Variants in WWOX observed in about 807,000 individuals in gnomAD.
The protein encoded by WWOX is WW domain-containing oxidoreductase.
WWOX carries 69 observed loss-of-function variants against 46.2 expected under a neutral mutation model. The ratio of observed to expected loss-of-function variants is 1.49; its 90% CI spans 1.23 to 1.82. The LOEUF (loss-of-function observed/expected upper bound fraction) is 1.82, where lower values mean the gene tolerates loss of function less well. Among genes scored for constraint, WWOX ranks in the 40% most tolerant of loss-of-function variants. WWOX has a pLI of 0.00. For synonymous variants in WWOX, 359 were observed against 202.6 expected (o/e 1.77, Z -6.56); for missense variants, 919 against 542.6 (o/e 1.69, Z -6.89).
At chr16:78,326,646 A>AT in intron 5 of WWOX, among the ~76,000 whole-genome samples, 1 of 142,552 alleles carries the variant, frequency 7.0e-6, no homozygotes, top group Non-Finnish European at 1.5e-5. Context: ...CATAAAGCAT[A>AT]TTTTCTGGCA....
chr16:78,553,965 T>C (rs559543649), intron 8 of WWOX, among the ~76,000 whole-genome samples: 1 of 152,142 alleles, frequency 6.6e-6, no homozygotes, highest in South Asian at 2.1e-4. Flanking sequence ...AGCAGAGGGC[T>C]GTGATGCTCT....
intron 8 of WWOX, among the ~76,000 whole-genome samples, chr16:78,923,894 G>C (rs563911630): frequency 1.3e-5 from 2 of 150,196 alleles, no homozygotes; most frequent in South Asian, 2.1e-4. Context: ...CCGCCTCCTG[G>C]GTTCATGCCA....
At chr16:79,162,625 G>A (rs189974377) in intron 8 of WWOX, among the ~76,000 whole-genome samples, 1 of 152,308 alleles carries the variant, frequency 6.6e-6, no homozygotes, top group African/African-American at 2.4e-5. Context: ...GATGCAAACA[G>A]TTTGCCCTTG....
At chr16:78,430,562 A>T (rs2083192624) in intron 7 of WWOX, among the ~76,000 whole-genome samples, 3 of 152,004 alleles carry the variant, frequency 2.0e-5, no homozygotes, top group Admixed American at 6.6e-5. Context: ...TGCTACCATC[A>T]CCAGCAGTCA....
chr16:78,419,244 CTA>C (rs1312779831), intron 6 of WWOX, among the ~76,000 whole-genome samples: 1 of 152,110 alleles, frequency 6.6e-6, no homozygotes, highest in Admixed American at 6.5e-5. Context: ...AGTGCAATCT[CTA>C]TTAAAATTTC....
intron 8 of WWOX, among the ~76,000 whole-genome samples, chr16:78,583,111 C>T (rs942346361): frequency 1.3e-5 from 2 of 152,184 alleles, no homozygotes; most frequent in African/African-American, 4.8e-5. Flanking sequence ...AGAAGTGAAT[C>T]TTTTGTTTTC....
intron 8 of WWOX, among the ~76,000 whole-genome samples, chr16:78,537,983 C>T (rs995545804): frequency 2.6e-5 from 4 of 152,170 alleles, no homozygotes; most frequent in African/African-American, 9.6e-5. Flanking sequence ...TGAAATTCAC[C>T]TTTCCCCGAT....
chr16:78,501,181 C>T (rs907543388), intron 8 of WWOX, among the ~76,000 whole-genome samples: 4 of 109,374 alleles, frequency 3.7e-5, no homozygotes, highest in African/African-American at 9.3e-5. Flanking sequence ...TTCTTTCTCT[C>T]TCTTTCTTTC....
chr16:78,652,168 T>G (rs1446147682), intron 8 of WWOX, among the ~76,000 whole-genome samples: 1 of 151,726 alleles, frequency 6.6e-6, no homozygotes, highest in Non-Finnish European at 1.5e-5. Flanking sequence ...TCCCAGCACT[T>G]TGGGAGGCTG....
chr16:78,743,463 A>C (rs1352697299), intron 8 of WWOX, among the ~76,000 whole-genome samples: 1 of 142,830 alleles, frequency 7.0e-6, no homozygotes, highest in Non-Finnish European at 1.6e-5. Context: ...CATTTAGAGA[A>C]GAAATTAGAA....
intron 8 of WWOX, among the ~76,000 whole-genome samples, chr16:78,718,050 A>G (rs1184083251): frequency 2.7e-5 from 3 of 109,288 alleles, no homozygotes; most frequent in Middle Eastern, 4.3e-3. Context: ...TGCAAACGTT[A>G]TTTGCTTTAT....
intron 4 of WWOX, among the ~76,000 whole-genome samples, chr16:78,150,397 G>T (rs909343208): frequency 6.6e-6 from 1 of 152,088 alleles, no homozygotes; most frequent in Admixed American, 6.5e-5. Context: ...TTGAGATAGG[G>T]TCTCGCTCTG....
chr16:78,472,679 C>T (rs1366703052), intron 8 of WWOX, among the ~76,000 whole-genome samples: 1 of 151,860 alleles, frequency 6.6e-6, no homozygotes, highest in Admixed American at 6.6e-5. Context: ...AATGGTGGTA[C>T]ACAGCTGTAG....
chr16:78,623,610 G>C (rs780776276), intron 8 of WWOX, among the ~76,000 whole-genome samples: 1 of 152,048 alleles, frequency 6.6e-6, no homozygotes, highest in Admixed American at 6.6e-5. Context: ...AACCCGAGAG[G>C]CAGGGGTTGC....
chr16:78,187,682 G>A (rs1479291282), intron 5 of WWOX, among the ~76,000 whole-genome samples: 1 of 152,178 alleles, frequency 6.6e-6, no homozygotes, highest in African/African-American at 2.4e-5. Context: ...TTCACTAGAA[G>A]GTGTGACATT....
At chr16:78,945,141 C>G (rs1173999600) in intron 8 of WWOX, among the ~76,000 whole-genome samples, 1 of 152,084 alleles carries the variant, frequency 6.6e-6, no homozygotes, top group South Asian at 2.1e-4. Flanking sequence ...GACCGCACCT[C>G]TGGAGTCCAC....
chr16:78,534,524 T>A (rs1016084644), intron 8 of WWOX: 4 of 152,098 alleles, frequency 2.6e-5, no homozygotes, highest in African/African-American at 9.7e-5. Context: ...GAGTGACATT[T>A]TGGCATGACT....
intron 4 of WWOX, among the ~76,000 whole-genome samples, chr16:78,161,185 T>C (rs1273761659): frequency 6.6e-6 from 1 of 152,200 alleles, no homozygotes. Context: ...AAACATAATG[T>C]ACATTCTTTT....
intron 8 of WWOX, among the ~76,000 whole-genome samples, chr16:78,881,714 G>T (rs983767765): frequency 1.3e-5 from 2 of 152,202 alleles, no homozygotes; most frequent in Non-Finnish European, 2.9e-5. Context: ...AATCACTTAA[G>T]AAGTAATAGA....
Sources: allele counts gnomAD v4.1 joint callset (sites outside exome capture counted in the v4.1 genomes callset), GRCh38; gene constraint gnomAD v4.1.1; transcripts MANE v1.5; gene names NCBI Gene and HGNC (gene_info 2026-07-23, HGNC 2026-07-21).